The following COX7B2 variants were observed in gnomAD, a reference collection of about 807,000 sequenced individuals.
The protein encoded by COX7B2 is cytochrome c oxidase subunit 7B2, mitochondrial.
For synonymous variants in COX7B2, 37 were observed against 32.1 expected (o/e 1.15, Z -0.51); for missense variants, 109 against 95.9 (o/e 1.14, Z -0.57).
chr4:46,885,162 T>TG (rs1483459506), intron 1 of COX7B2, among the ~76,000 whole-genome samples: 1 of 152,134 alleles, frequency 6.6e-6, no homozygotes, highest in Non-Finnish European at 1.5e-5. Flanking sequence ...TGTTTTGACT[T>TG]GTGGCCGTTT....
chr4:46,823,903 TG>T (rs1347613805), intron 2 of COX7B2, among the ~76,000 whole-genome samples: 3 of 149,508 alleles, frequency 2.0e-5, no homozygotes, highest in Non-Finnish European at 4.5e-5. Flanking sequence ...ATATCAGGAA[TG>T]AAAAAAAAAA....
intron 2 of COX7B2, among the ~76,000 whole-genome samples, chr4:46,784,604 G>T (rs995704404): frequency 6.6e-6 from 1 of 152,086 alleles, no homozygotes; most frequent in Non-Finnish European, 1.5e-5. Flanking sequence ...TAGTCTGGGC[G>T]ACAGGGCAAG....
chr4:46,752,860 C>T (rs887362764), intron 2 of COX7B2, among the ~76,000 whole-genome samples: 5 of 151,964 alleles, frequency 3.3e-5, no homozygotes, highest in East Asian at 3.9e-4. Context: ...TGTTCATCAG[C>T]GATATTGGTC....
At chr4:46,857,473 C>A (rs567757494) in intron 1 of COX7B2, among the ~76,000 whole-genome samples, 1 of 152,130 alleles carries the variant, frequency 6.6e-6, no homozygotes, top group Admixed American at 6.5e-5. Context: ...TCCAGGTGAA[C>A]CATATGGGCA....
chr4:46,897,358 C>T (rs1430977515), intron 1 of COX7B2, among the ~76,000 whole-genome samples: 6 of 151,980 alleles, frequency 3.9e-5, no homozygotes, highest in African/African-American at 1.2e-4. Flanking sequence ...TCAAAAAAAT[C>T]AATCCAACAC....
chr4:46,735,343 G>C, intron 2 of COX7B2, 102 bp from the exon 3 acceptor site: 1 of 830,370 alleles, frequency 1.2e-6, no homozygotes, highest in Non-Finnish European at 1.9e-6. Context: ...GTTCAGGAAT[G>C]TGAGTTTTGA....
At chr4:46,824,388 GTGAGGTATACATCGC>G (rs1409377626) in intron 2 of COX7B2, among the ~76,000 whole-genome samples, 5 of 152,076 alleles carry the variant, frequency 3.3e-5, no homozygotes, top group Non-Finnish European at 7.4e-5. Flanking sequence ...TTGCAAGATA[GTGAGGTATACATCGC>G]TGGCCCTCAT....
intron 2 of COX7B2, among the ~76,000 whole-genome samples, chr4:46,820,850 T>TATATAG (rs1714233764): frequency 1.4e-5 from 2 of 146,258 alleles, no homozygotes; most frequent in Admixed American, 1.4e-4. Context: ...TATATATATA[T>TATATAG]ATAGATAGAT....
At chr4:46,854,021 G>A (rs1210307039) in intron 1 of COX7B2, among the ~76,000 whole-genome samples, 1 of 152,036 alleles carries the variant, frequency 6.6e-6, no homozygotes, top group African/African-American at 2.4e-5. Flanking sequence ...CTATTTTTTA[G>A]CCATATAAAT....
intron 2 of COX7B2, among the ~76,000 whole-genome samples, chr4:46,770,028 A>G (rs1716781816): frequency 6.6e-6 from 1 of 152,166 alleles, no homozygotes; most frequent in Non-Finnish European, 1.5e-5. Context: ...AAGTGATAAA[A>G]TGCATCCAAA....
chr4:46,905,814 CTTTTT>C (rs761904309), intron 1 of COX7B2, among the ~76,000 whole-genome samples: 5 of 71,688 alleles, frequency 7.0e-5, no homozygotes, highest in South Asian at 1.3e-3. Flanking sequence ...GCATATATTT[CTTTTT>C]TTTTTTTTTT....
At chr4:46,895,704 A>G (rs935813037) in intron 1 of COX7B2, among the ~76,000 whole-genome samples, 7 of 152,008 alleles carry the variant, frequency 4.6e-5, no homozygotes, top group African/African-American at 1.4e-4. Flanking sequence ...GGAGTTTGTT[A>G]TTTTCATGTG....
At chr4:46,776,766 T>G (rs1023135873) in intron 2 of COX7B2, among the ~76,000 whole-genome samples, 2 of 152,044 alleles carry the variant, frequency 1.3e-5, no homozygotes, top group Non-Finnish European at 2.9e-5. Flanking sequence ...AGGAAGAGAT[T>G]AGTAAAGATC....
At chr4:46,766,452 C>G (rs1259172304) in intron 2 of COX7B2, among the ~76,000 whole-genome samples, 1 of 152,004 alleles carries the variant, frequency 6.6e-6, no homozygotes, top group East Asian at 1.9e-4. Context: ...GTAGTCCCAG[C>G]ACTTTGGGAA....
intron 1 of COX7B2, among the ~76,000 whole-genome samples, chr4:46,867,967 T>C (rs768917727): frequency 1.3e-5 from 2 of 152,224 alleles, no homozygotes; most frequent in Non-Finnish European, 2.9e-5. Flanking sequence ...ATCTTCTTTG[T>C]ACATCTGGTA....
At chr4:46,881,463 T>C (rs1324359262) in intron 1 of COX7B2, among the ~76,000 whole-genome samples, 1 of 152,096 alleles carries the variant, frequency 6.6e-6, no homozygotes, top group Non-Finnish European at 1.5e-5. Context: ...AGGGGTGACT[T>C]TGAATAAAAT....
chr4:46,827,315 CAT>C (rs376602120), intron 2 of COX7B2, among the ~76,000 whole-genome samples: 160 of 152,144 alleles, frequency 1.1e-3, no homozygotes, highest in African/African-American at 3.7e-3. Context: ...CCGAGAAACT[CAT>C]AGTCGACTTA....
intron 2 of COX7B2, among the ~76,000 whole-genome samples, chr4:46,821,884 G>T (rs1170267464): frequency 2.6e-5 from 4 of 151,864 alleles, no homozygotes; most frequent in Admixed American, 2.0e-4. Context: ...AGGTACAGAG[G>T]TTATTCATTT....
chr4:46,887,872 A>G (rs1719177326), intron 1 of COX7B2, among the ~76,000 whole-genome samples: 1 of 152,052 alleles, frequency 6.6e-6, no homozygotes, highest in South Asian at 2.1e-4. Context: ...AAAATGAAAA[A>G]AAGGTTGGGA....
Sources: gnomAD v4.1 joint callset for allele counts (sites outside exome capture counted in the v4.1 genomes callset) on GRCh38, gnomAD v4.1.1 for gene constraint, MANE v1.5 for transcripts, NCBI Gene and HGNC (gene_info 2026-07-23, HGNC 2026-07-21) for gene names.